Variants in DGKI observed in about 807,000 individuals in gnomAD.
The protein encoded by DGKI is DAG kinase iota.
In DGKI, 55 loss-of-function variants were observed where a neutral mutation model predicts 147.5. The observed-to-expected ratio is 0.37, with a 90% CI of 0.30 to 0.47. The LOEUF (loss-of-function observed/expected upper bound fraction) is 0.47. DGKI is among the 20% of genes least tolerant of loss of function. DGKI has a pLI of 1.00. For synonymous variants in DGKI, 469 were observed against 477.1 expected (o/e 0.98, Z 0.22); for missense variants, 1,007 against 1,323.8 (o/e 0.76, Z 3.71).
In DGKI at chr7:137,426,724, AAC is replaced by A. The variant is rs60627716; in HGVS notation, c.2762-14519_2762-14518del. Among the ~76,000 whole-genome samples the A allele has an allele frequency of 6.9e-3, 1,038 of 151,490 alleles. 13 individuals are homozygous for A. Among genetic ancestry groups the A allele is most frequent in the African/African-American group, 0.024 (996 of 41,058 alleles). Reference sequence around the variant, plus strand: ...AGGAAGATCTACCAAGCAAATGGAAAACAAAAAAAGGCAGGGGTTGCAATCCT... The same window carrying A: ...AGGAAGATCTACCAAGCAAATGGAAAAAAAAAAGGCAGGGGTTGCAATCCT... On this transcript the variant is annotated intron_variant, in intron 28 of 32. Coordinates refer to ENST00000614521, the MANE Select transcript of DGKI (RefSeq NM_001321708.2).
intron 20 of DGKI, among the ~76,000 whole-genome samples, chr7:137,542,900 T>C (rs1487465487): frequency 6.6e-6 from 1 of 152,220 alleles, no homozygotes; most frequent in Middle Eastern, 3.2e-3. Context: ...AACCTTAATG[T>C]TCTTGTCTCT....
chr7:137,572,673 T>C, intron 18 of DGKI, 92 bp downstream of exon 18: 1 of 815,524 alleles, frequency 1.2e-6, no homozygotes. Flanking sequence ...CTGATCTTCA[T>C]TGTTTACATC....
At chr7:137,397,992 A>G (rs994061247) in intron 30 of DGKI, among the ~76,000 whole-genome samples, 4 of 152,192 alleles carry the variant, frequency 2.6e-5, no homozygotes, top group African/African-American at 9.6e-5. Context: ...GTATTCATGA[A>G]TTAATCCATT....
chr7:137,473,589 A>G (rs1815061660), intron 23 of DGKI, among the ~76,000 whole-genome samples: 3 of 152,178 alleles, frequency 2.0e-5, no homozygotes, highest in Non-Finnish European at 4.4e-5. Context: ...AAAATGCCTT[A>G]TGAGAATAGG....
At chr7:137,738,860 T>A (rs559751363) in intron 1 of DGKI, among the ~76,000 whole-genome samples, 1 of 151,930 alleles carries the variant, frequency 6.6e-6, no homozygotes, top group African/African-American at 2.4e-5. Flanking sequence ...GCAGGTCTGG[T>A]TTCATCCTAA....
At chr7:137,402,812 C>G (rs1403611940) in intron 30 of DGKI, among the ~76,000 whole-genome samples, 1 of 151,932 alleles carries the variant, frequency 6.6e-6, no homozygotes, top group Non-Finnish European at 1.5e-5. Context: ...CCTGTCCCAG[C>G]AGGATGGTGG....
At chr7:137,742,381 A>G (rs1795198720) in intron 1 of DGKI, among the ~76,000 whole-genome samples, 1 of 152,204 alleles carries the variant, frequency 6.6e-6, no homozygotes, top group Non-Finnish European at 1.5e-5. Flanking sequence ...CTTCTGCAAT[A>G]GGAAAAGAAG....
intron 23 of DGKI, among the ~76,000 whole-genome samples, chr7:137,474,629 G>T (rs1218209851): frequency 6.6e-6 from 1 of 152,180 alleles, no homozygotes; most frequent in Non-Finnish European, 1.5e-5. Flanking sequence ...ATTGTTGTAG[G>T]ATGTGATCAT....
intron 29 of DGKI, among the ~76,000 whole-genome samples, chr7:137,411,591 G>A (rs1812166069): frequency 6.6e-6 from 1 of 152,066 alleles, no homozygotes; most frequent in African/African-American, 2.4e-5. Flanking sequence ...GAATGGTAGA[G>A]CCGAGATCCA....
chr7:137,783,873 A>T lies in DGKI; in HGVS notation c.401+62589T>A, dbSNP rs193011768. 8.5e-5 allele frequency among the ~76,000 whole-genome samples: 13 copies of T among 152,356 alleles called. No individual in the cohort carries two copies. In the East Asian group the frequency reaches 2.3e-3, roughly 27 times the overall value. On this transcript the variant is annotated intron_variant, in intron 1 of 32. Coordinates refer to ENST00000614521, the MANE Select transcript of DGKI (RefSeq NM_001321708.2). ...CAGCCAAGAATTTTGTATCCAGTGAAACTAAGCTTCATAAATGAGGGATAG... is the reference window on the plus strand; with the variant it reads ...CAGCCAAGAATTTTGTATCCAGTGATACTAAGCTTCATAAATGAGGGATAG...
At chr7:137,653,843 T>C (rs1822122998) in intron 5 of DGKI, among the ~76,000 whole-genome samples, 3 of 152,174 alleles carry the variant, frequency 2.0e-5, no homozygotes, top group Non-Finnish European at 2.9e-5. Context: ...CCGTATAAGA[T>C]GCTAATGTTT....
At chr7:137,578,134 G>C in intron 16 of DGKI, 136 bp downstream of exon 16, 1 of 585,772 alleles carries the variant, frequency 1.7e-6, no homozygotes, top group Non-Finnish European at 3.0e-6. Flanking sequence ...GCCCAGCCAT[G>C]AAACAGTAAC....
At chr7:137,768,662 T>C (rs1285881222) in intron 1 of DGKI, among the ~76,000 whole-genome samples, 1 of 152,164 alleles carries the variant, frequency 6.6e-6, no homozygotes, top group Non-Finnish European at 1.5e-5. Context: ...CCTCATTACA[T>C]AAGGTGCCCT....
chr7:137,762,861 C>T (rs984234480), intron 1 of DGKI, among the ~76,000 whole-genome samples: 2 of 152,118 alleles, frequency 1.3e-5, no homozygotes, highest in African/African-American at 4.8e-5. Flanking sequence ...CTAGCCTGTT[C>T]CAGACAAATA....
At chr7:137,696,732 A>T (rs572879064) in intron 1 of DGKI, among the ~76,000 whole-genome samples, 33 of 152,254 alleles carry the variant, frequency 2.2e-4, no homozygotes, top group Non-Finnish European at 2.9e-5. Context: ...AGAAAAAATA[A>T]TCATGCTGTT....
At chr7:137,795,177 T>C (rs1219287858) in intron 1 of DGKI, among the ~76,000 whole-genome samples, 1 of 152,214 alleles carries the variant, frequency 6.6e-6, no homozygotes, top group Non-Finnish European at 1.5e-5. Flanking sequence ...AAATGGCTTA[T>C]TCTACAGAAC....
At chr7:137,433,532 T>C (rs56961125) in intron 28 of DGKI, among the ~76,000 whole-genome samples, 2,779 of 152,336 alleles carry the variant, frequency 0.018, 86 homozygotes, top group African/African-American at 0.064. Flanking sequence ...AATTATATTA[T>C]AATAACTTTC....
chr7:137,752,192 G>A (rs528571743), intron 1 of DGKI, among the ~76,000 whole-genome samples: 1 of 152,006 alleles, frequency 6.6e-6, no homozygotes, highest in Non-Finnish European at 1.5e-5. Flanking sequence ...AGAGGAAGAG[G>A]TGGTCAAATA....
chr7:137,716,124 T>A (rs1585402265), intron 1 of DGKI, among the ~76,000 whole-genome samples: 1 of 152,212 alleles, frequency 6.6e-6, no homozygotes, highest in East Asian at 1.9e-4. Flanking sequence ...TGCTTTTGTG[T>A]AAGAGATTGC....
Sources: allele counts gnomAD v4.1 joint callset (sites outside exome capture counted in the v4.1 genomes callset), GRCh38; gene constraint gnomAD v4.1.1; transcripts MANE v1.5; gene names NCBI Gene and HGNC (gene_info 2026-07-23, HGNC 2026-07-21).